Variants in THSD7B observed in about 807,000 individuals in gnomAD.
The protein encoded by THSD7B is thrombospondin type-1 domain-containing protein 7B.
Under a neutral mutation model 213.6 loss-of-function variants are expected in THSD7B, and 138 were observed. That is an observed-to-expected ratio of 0.65 (90% CI 0.56 to 0.74). The LOEUF is 0.74. Among genes scored for constraint, THSD7B ranks in the 30% least tolerant of loss-of-function variants. The probability of loss-of-function intolerance (pLI) is 0.00; values close to 1 mark genes in which losing one functional copy is unlikely to be tolerated. For missense variants in THSD7B, 1,931 were observed against 1,991.5 expected (o/e 0.97, Z 0.58); for synonymous variants, 742 against 687.0 (o/e 1.08, Z -1.25).
intron 17 of THSD7B, among the ~76,000 whole-genome samples, chr2:137,576,795 A>AC (rs5834564): frequency 0.068 from 8,759 of 127,902 alleles, 359 homozygotes; most frequent in African/African-American, 0.13. Flanking sequence ...TAAGAAAAAC[A>AC]CCCCCCCCCC....
chr2:137,195,025 A>G (rs1014790441), intron 7 of THSD7B, among the ~76,000 whole-genome samples: 3 of 152,098 alleles, frequency 2.0e-5, no homozygotes, highest in Admixed American at 6.6e-5. Flanking sequence ...TCTCATCAAG[A>G]AAGATGCTAT....
chr2:137,007,997 G>A lies in THSD7B; in HGVS notation c.140-48423G>A, dbSNP rs556022522. On this transcript the variant is annotated intron_variant, in intron 2 of 27. Transcript: ENST00000409968. ...CTTGGTTTCAGCAATAGTTAGTTGA[G>A]GGGGTCAGCTATCCAGATAAATTTG... Among the ~76,000 whole-genome samples the A allele has an allele frequency of 2.0e-5, 3 of 152,244 alleles. No homozygotes were observed. In the South Asian group the frequency reaches 6.2e-4, roughly 32 times the overall value.
At chr2:137,435,770 G>A (rs1228497955) in intron 14 of THSD7B, among the ~76,000 whole-genome samples, 2 of 152,140 alleles carry the variant, frequency 1.3e-5, no homozygotes, top group Non-Finnish European at 2.9e-5. Flanking sequence ...GAAGCAAAGA[G>A]GAACTCCTGT....
At chr2:137,483,834 C>A (rs540545118) in intron 15 of THSD7B, among the ~76,000 whole-genome samples, 2 of 151,942 alleles carry the variant, frequency 1.3e-5, no homozygotes, top group Non-Finnish European at 2.9e-5. Context: ...CGAATCATTT[C>A]GGAGACAGAA....
intron 26 of THSD7B, 125 bp downstream of exon 26, chr2:137,663,700 C>T: frequency 1.2e-6 from 1 of 849,464 alleles, no homozygotes; most frequent in African/African-American, 1.7e-5. Context: ...GGCAGTAAGG[C>T]ATAATTCAGG....
At chr2:137,113,697 A>G (rs544907004) in intron 4 of THSD7B, among the ~76,000 whole-genome samples, 1 of 152,254 alleles carries the variant, frequency 6.6e-6, no homozygotes, top group Admixed American at 6.5e-5. Context: ...TCAGCCTCTC[A>G]AAGTGCTGGG....
chr2:136,825,057 T>C (rs1380767738), intron 1 of THSD7B, among the ~76,000 whole-genome samples: 1 of 152,238 alleles, frequency 6.6e-6, no homozygotes, highest in East Asian at 1.9e-4. Flanking sequence ...AGGAGGTACA[T>C]TGAAGAAAAT....
At chr2:137,487,689 A>G (rs190668120) in intron 15 of THSD7B, among the ~76,000 whole-genome samples, 49 of 151,426 alleles carry the variant, frequency 3.2e-4, no homozygotes, top group African/African-American at 1.1e-3. Flanking sequence ...AAACACCTCT[A>G]CGCAAATAAA....
At chr2:137,526,658 A>G (rs1680286190) in intron 15 of THSD7B, among the ~76,000 whole-genome samples, 1 of 152,136 alleles carries the variant, frequency 6.6e-6, no homozygotes, top group Non-Finnish European at 1.5e-5. Flanking sequence ...TCCTGACCTC[A>G]GGTGATCCAT....
intron 2 of THSD7B, among the ~76,000 whole-genome samples, chr2:136,958,411 A>G (rs1685161759): frequency 6.6e-6 from 1 of 152,184 alleles, no homozygotes; most frequent in African/African-American, 2.4e-5. Context: ...ATTAATTTGA[A>G]CTCATTGATT....
intron 15 of THSD7B, among the ~76,000 whole-genome samples, chr2:137,468,352 C>T (rs1271438464): frequency 6.6e-6 from 1 of 151,954 alleles, no homozygotes; most frequent in Non-Finnish European, 1.5e-5. Context: ...TTAGCAAGTG[C>T]AAGGCAATGA....
intron 26 of THSD7B, among the ~76,000 whole-genome samples, chr2:137,664,823 G>GAAAC (rs1399125763): frequency 1.3e-5 from 2 of 152,150 alleles, no homozygotes; most frequent in African/African-American, 4.8e-5. Flanking sequence ...ACTTCTTTCG[G>GAAAC]AAACAAAATG....
At chr2:137,438,180 G>T (rs1687331690) in intron 14 of THSD7B, among the ~76,000 whole-genome samples, 1 of 152,104 alleles carries the variant, frequency 6.6e-6, no homozygotes, top group South Asian at 2.1e-4. Flanking sequence ...GATTGGAGAG[G>T]TTCAATGACA....
At chr2:137,012,434 A>T (rs565015855) in intron 2 of THSD7B, among the ~76,000 whole-genome samples, 26 of 152,344 alleles carry the variant, frequency 1.7e-4, no homozygotes, top group Non-Finnish European at 2.5e-4. Context: ...AGGACAATGT[A>T]TGGAAAGATG....
intron 12 of THSD7B, among the ~76,000 whole-genome samples, chr2:137,395,685 G>A (rs1162305097): frequency 6.6e-6 from 1 of 152,212 alleles, no homozygotes; most frequent in Non-Finnish European, 1.5e-5. Context: ...CATACAATGA[G>A]TTAGGGAGGA....
chr2:137,489,927 G>A (rs1688568027), intron 15 of THSD7B, among the ~76,000 whole-genome samples: 1 of 151,982 alleles, frequency 6.6e-6, no homozygotes, highest in South Asian at 2.1e-4. Flanking sequence ...TTTTTTGTGT[G>A]TGTGTGGTGT....
At chr2:137,242,619 T>C (rs773989757) in intron 10 of THSD7B, 47 bp downstream of exon 10, 11 of 1,427,990 alleles carry the variant, frequency 7.7e-6, no homozygotes, top group Non-Finnish European at 1.1e-5. Flanking sequence ...AACCTGATTG[T>C]TTCTCCACAT....
chr2:137,529,467 C>T (rs1680355408), intron 15 of THSD7B, among the ~76,000 whole-genome samples: 1 of 150,662 alleles, frequency 6.6e-6, no homozygotes, highest in Admixed American at 6.7e-5. Flanking sequence ...AGGGAGGCCT[C>T]ATAAAGAAGG....
intron 17 of THSD7B, among the ~76,000 whole-genome samples, chr2:137,591,029 G>T (rs1376635311): frequency 2.0e-5 from 3 of 151,528 alleles, no homozygotes; most frequent in Non-Finnish European, 4.4e-5. Flanking sequence ...CCTTGTGGAA[G>T]AGTCTTTCTA....
Sources: gnomAD v4.1 joint callset for allele counts (sites outside exome capture counted in the v4.1 genomes callset) on GRCh38, gnomAD v4.1.1 for gene constraint, MANE v1.5 for transcripts, NCBI Gene and HGNC (gene_info 2026-07-23, HGNC 2026-07-21) for gene names.